Variants in TNFRSF1B observed in about 807,000 individuals in gnomAD.
The protein encoded by TNFRSF1B is TNF receptor superfamily member 1B.
A neutral mutation model predicts 44.6 loss-of-function variants in TNFRSF1B; 19 were observed. That is an observed-to-expected ratio of 0.43 (90% CI 0.30 to 0.62). TNFRSF1B has a LOEUF of 0.62. Among genes scored for constraint, TNFRSF1B ranks in the 20% least tolerant of loss-of-function variants. The pLI, the probability that TNFRSF1B is intolerant of heterozygous loss-of-function variation, is 0.16. For synonymous variants in TNFRSF1B, 252 were observed against 261.1 expected (o/e 0.97, Z 0.34); for missense variants, 541 against 619.9 (o/e 0.87, Z 1.35).
At chr1:12,183,617 T>TTGTC (rs1004110713) in intron 1 of TNFRSF1B, among the ~76,000 whole-genome samples, 1 of 119,598 alleles carries the variant, frequency 8.4e-6, no homozygotes, top group Non-Finnish European at 2.0e-5. Context: ...ATCTATCTGT[T>TTGTC]TGTCTGTCTG....
Position 12,180,019 on chromosome 1 carries a change from G to A in TNFRSF1B, c.79-8777G>A, listed in dbSNP as rs1026928962. On this transcript the variant is annotated intron_variant, in intron 1 of 9. Transcript: ENST00000376259. The surrounding 1 kb of genome is among the most constrained non-coding windows in gnomAD (Gnocchi z 4.3). ...TTCTCCCTGTGGCCACCTCCCCACC[G>A]CATCATCTTCCGTTCTCAGCGGGTA... Among the ~76,000 whole-genome samples, 3 of 151,922 alleles carry A rather than the reference G, an allele frequency of 2.0e-5. No homozygotes were observed. Among genetic ancestry groups the A allele is most frequent in the Non-Finnish European group, 2.9e-5 (2 of 67,964 alleles).
chr1:12,169,625 C>T lies in TNFRSF1B; in HGVS notation c.78+2456C>T, dbSNP rs1453632865. Among the ~76,000 whole-genome samples the T allele has an allele frequency of 6.6e-6, 1 of 152,262 alleles. No individual in the cohort carries two copies. Among genetic ancestry groups the T allele is most frequent in the Non-Finnish European group, 1.5e-5 (1 of 68,050 alleles). ...TCAACTGAGCTGCAGAAGAAGCCCC[C>T]AGGAGACCTGAGCTAGCCATGGACG... On this transcript the variant is annotated intron_variant, in intron 1 of 9. Coordinates refer to ENST00000376259, the MANE Select transcript of TNFRSF1B (RefSeq NM_001066.3). The surrounding 1 kb of genome is among the most constrained non-coding windows in gnomAD (Gnocchi z 4.5).
rs566046013 is a variant in TNFRSF1B, at chr1:12,167,002, A to C, written c.-90A>C. The C allele has an allele frequency of 1.9e-3, 1,880 of 1,015,174 alleles. 23 individuals are homozygous for C. In the African/African-American group the frequency reaches 0.028, roughly 15 times the overall value. The allele number at this position is 1,015,174 out of a possible 1,614,324, so 62.9% of individuals were successfully genotyped here. ...GGGCTTTCGCTTTCAGTCGAGGGCTAGCGAGCGCAGCGGAGCCTGGAGAGA... is the reference window on the plus strand; with the variant it reads ...GGGCTTTCGCTTTCAGTCGAGGGCTCGCGAGCGCAGCGGAGCCTGGAGAGA... On this transcript the variant is annotated 5_prime_UTR_variant, in exon 1 of 10. Coordinates refer to ENST00000376259, the MANE Select transcript of TNFRSF1B (RefSeq NM_001066.3).
intron 8 of TNFRSF1B, among the ~76,000 whole-genome samples, chr1:12,197,897 G>T (rs555937151): frequency 3.6e-4 from 55 of 152,192 alleles, no homozygotes; most frequent in African/African-American, 1.3e-3. Context: ...AGGCCGAGGG[G>T]GGCGGATCAC....
At chr1:12,197,481 C>A (rs898060018) in intron 8 of TNFRSF1B, among the ~76,000 whole-genome samples, 18 of 152,216 alleles carry the variant, frequency 1.2e-4, no homozygotes, top group Middle Eastern at 3.2e-3. Flanking sequence ...CCCAGCACAG[C>A]CCTGGCTGAG....
At chr1:12,194,749 G>A in intron 8 of TNFRSF1B, 131 bp downstream of exon 8, 4 of 1,169,890 alleles carry the variant, frequency 3.4e-6, no homozygotes, top group South Asian at 1.3e-5. Context: ...GCCCTGGGAG[G>A]TGGAGGAAAG....
chr1:12,185,482 T>C (rs1023110188), intron 1 of TNFRSF1B, among the ~76,000 whole-genome samples: 3 of 152,114 alleles, frequency 2.0e-5, no homozygotes, highest in South Asian at 2.1e-4. Flanking sequence ...TCCTTTTGTC[T>C]AGGGTGCCTG....
intron 1 of TNFRSF1B, among the ~76,000 whole-genome samples, chr1:12,175,948 C>T (rs1462795482): frequency 6.6e-6 from 1 of 152,026 alleles, no homozygotes; most frequent in Admixed American, 6.6e-5. Flanking sequence ...GGCACGGTGG[C>T]TCACGCCTGT....
intron 8 of TNFRSF1B, among the ~76,000 whole-genome samples, chr1:12,200,376 C>T (rs1199660107): frequency 2.0e-5 from 3 of 151,896 alleles, no homozygotes; most frequent in Admixed American, 6.6e-5. Context: ...CAGACGTGAG[C>T]GCTCTCTGCC....
At position 12,209,029 on chromosome 1, in the gene TNFRSF1B, C is replaced by T. The variant is rs532893207; in HGVS notation, c.*2009C>T. On this transcript the variant is annotated 3_prime_UTR_variant, in exon 10 of 10. Coordinates refer to ENST00000376259, the MANE Select transcript of TNFRSF1B (RefSeq NM_001066.3). Reference sequence around the variant, plus strand: ...CACATGAGGACATGATGGAGCGCACCTGCCCCCTGGTGGACAGTCCTGGGA... The same window carrying T: ...CACATGAGGACATGATGGAGCGCACTTGCCCCCTGGTGGACAGTCCTGGGA... The T allele has an allele frequency of 1.9e-4, 29 of 152,320 alleles. No individual in the cohort carries two copies. The highest frequency in any genetic ancestry group is 7.0e-4 in the African/African-American group (29 of 41,566). The allele number at this position is 152,320 out of a possible 1,614,324, so 9.4% of individuals were successfully genotyped here.
At chr1:12,182,702 T>A (rs17881409) in intron 1 of TNFRSF1B, among the ~76,000 whole-genome samples, 6,257 of 152,344 alleles carry the variant, frequency 0.041, 150 homozygotes, top group Non-Finnish European at 0.05. Flanking sequence ...TAGGATTTTA[T>A]ACAGTGCCTG....
At position 12,192,842 on chromosome 1, in the gene TNFRSF1B, C is replaced by A. The variant is rs1639177727; in HGVS notation, c.552-21C>A. ...CACTCTGTCCCCTGCTGCCTCCTGA[C>A]CAAGCCTCCTCCTCCTCCAGCTGTA... On this transcript the variant is annotated intron_variant, in intron 5 of 9. Transcript: ENST00000376259. 1.9e-6 allele frequency: 3 copies of A among 1,603,444 alleles called. No individual in the cohort carries two copies. In the East Asian group the frequency reaches 6.7e-5, roughly 36 times the overall value.
intron 4 of TNFRSF1B, 32 bp from the exon 5 acceptor site, chr1:12,192,399 A>G (rs772993824): frequency 6.2e-7 from 1 of 1,608,892 alleles, no homozygotes; most frequent in South Asian, 1.1e-5. Context: ...AGAGTGTCTG[A>G]GTGGTTGACA....
chr1:12,204,029 C>T (rs969278420), intron 9 of TNFRSF1B, among the ~76,000 whole-genome samples: 1 of 152,222 alleles, frequency 6.6e-6, no homozygotes, highest in African/African-American at 2.4e-5. Flanking sequence ...CATGCGCAGC[C>T]CATCTTTCTG....
rs989074973 is a variant in TNFRSF1B, at chr1:12,186,409, G to C, written c.79-2387G>C. On this transcript the variant is annotated intron_variant, in intron 1 of 9. Transcript: ENST00000376259. The surrounding 1 kb of genome is among the most constrained non-coding windows in gnomAD (Gnocchi z 4.8). Reference sequence around the variant, plus strand: ...GCCAGGTCTGCACTGGCCCAGCGGTGCTGGGTGTCGTGACTGGTGTCTGCT... The same window carrying C: ...GCCAGGTCTGCACTGGCCCAGCGGTCCTGGGTGTCGTGACTGGTGTCTGCT... 2.0e-5 allele frequency among the ~76,000 whole-genome samples: 3 copies of C among 152,254 alleles called. No homozygotes were observed. Among genetic ancestry groups the C allele is most frequent in the African/African-American group, 7.2e-5 (3 of 41,466 alleles).
At position 12,207,139 on chromosome 1, in the gene TNFRSF1B, C is replaced by T. The variant is rs1442763027; in HGVS notation, c.*119C>T. 18 of 1,143,224 alleles carry T rather than the reference C, an allele frequency of 1.6e-5. No homozygotes were observed. The highest frequency in any genetic ancestry group is 3.8e-5 in the South Asian group (2 of 51,968). The allele number at this position is 1,143,224 out of a possible 1,614,324, so 70.8% of individuals were successfully genotyped here. On this transcript the variant is annotated 3_prime_UTR_variant, in exon 10 of 10. Transcript: ENST00000376259. ...CTAGGACTCTGAGGCTCTTTCTGGGCCAAGTTCCTCTAGTGCCCTCCACAG... is the reference window on the plus strand; with the variant it reads ...CTAGGACTCTGAGGCTCTTTCTGGGTCAAGTTCCTCTAGTGCCCTCCACAG...
Position 12,193,075 on chromosome 1 carries a change from C to T in TNFRSF1B, c.764C>T (p.Thr255Ile), listed in dbSNP as rs1024014210. ...MGPSPPAEGS[T>I]GDFALPVGLI... ...CCCAGCCCCCCAGCTGAAGGGAGCA[C>T]TGGCGACTTCGCTCTTCCAGTTGGT... The change falls in exon 6 of 10, where the codon ACT becomes ATT. Residue 255 changes from threonine to isoleucine, a missense_variant. Transcript: ENST00000376259. 1.9e-6 allele frequency: 3 copies of T among 1,614,088 alleles called. No individual in the cohort carries two copies. The highest frequency in any genetic ancestry group is 2.5e-6 in the Non-Finnish European group (3 of 1,179,954).
chr1:12,198,981 CT>C (rs1226169594), intron 8 of TNFRSF1B, among the ~76,000 whole-genome samples: 1 of 152,090 alleles, frequency 6.6e-6, no homozygotes, highest in Non-Finnish European at 1.5e-5. Flanking sequence ...GTGTGAGCCA[CT>C]GCGCCCGGCC....
At chr1:12,185,568 C>T (rs1261618089) in intron 1 of TNFRSF1B, among the ~76,000 whole-genome samples, 2 of 152,140 alleles carry the variant, frequency 1.3e-5, no homozygotes, top group African/African-American at 4.8e-5. Context: ...CGTGTCCAGG[C>T]AAACTGAGGC....
Sources: gnomAD v4.1 joint callset for allele counts (sites outside exome capture counted in the v4.1 genomes callset) on GRCh38, gnomAD v4.1.1 for gene constraint, Gnocchi (gnomAD v3.1) non-coding constraint, MANE v1.5 for transcripts, NCBI Gene and HGNC (gene_info 2026-07-23, HGNC 2026-07-21) for gene names.